Variants in SNX18 observed in about 807,000 individuals in gnomAD.
SNX18 encodes sorting nexin-18.
In SNX18, 35 loss-of-function variants were observed where a neutral mutation model predicts 48.7. That is an observed-to-expected ratio of 0.72 (90% confidence interval 0.55 to 0.95). The LOEUF (loss-of-function observed/expected upper bound fraction) is 0.95. SNX18 is among the 40% of genes least tolerant of loss of function. The pLI is 0.00. For missense variants in SNX18, 824 were observed against 871.0 expected (o/e 0.95, Z 0.68); for synonymous variants, 492 against 384.7 (o/e 1.28, Z -3.26).
intron 1 of SNX18, among the ~76,000 whole-genome samples, chr5:54,524,187 G>C (rs780579008): frequency 6.6e-6 from 1 of 152,156 alleles, no homozygotes; most frequent in African/African-American, 2.4e-5. Flanking sequence ...GGTGACCGTT[G>C]GTGCTTTCGA....
downstream of SNX18, among the ~76,000 whole-genome samples, chr5:54,548,814 T>C (rs1041852962): frequency 1.3e-5 from 2 of 152,198 alleles, no homozygotes; most frequent in Admixed American, 1.3e-4. Context: ...CAGTCATCCC[T>C]CAGTATCTGC....
chr5:54,548,954 A>G (rs1218292230), downstream of SNX18, among the ~76,000 whole-genome samples: 1 of 152,236 alleles, frequency 6.6e-6, no homozygotes, highest in Non-Finnish European at 1.5e-5. Context: ...TATACTTCAG[A>G]TCATCTCTTT....
At position 54,518,787 on chromosome 5, in the gene SNX18, A is replaced by G. The variant is rs1460512006; in HGVS notation, c.835A>G (p.Thr279Ala). 1 of 1,604,088 alleles carries G rather than the reference A, an allele frequency of 6.2e-7. No individual in the cohort carries two copies. The highest frequency in any genetic ancestry group is 1.1e-5 in the South Asian group (1 of 89,774). The change falls in exon 1 of 2, where the codon ACC (threonine) becomes GCC (alanine). Residue 279 changes from threonine (T) to alanine (A), a missense_variant. Thr to Ala is a moderately conservative substitution (Grantham distance 58). Transcript: ENST00000381410. ...WQENPYPFQC[T>A]IDDPTKQTKF... ...GGAGAACCCCTACCCGTTCCAGTGCACCATCGACGACCCCACCAAGCAGAC... is the reference window on the plus strand; with the variant it reads ...GGAGAACCCCTACCCGTTCCAGTGCGCCATCGACGACCCCACCAAGCAGAC...
At chr5:54,573,568 T>C in the SNX18 span, among the ~76,000 whole-genome samples, 18 of 152,232 alleles carry the variant, frequency 1.2e-4, no homozygotes, top group East Asian at 2.3e-3. Context: ...AATACCATGA[T>C]TTGAGAAATC....
At chr5:54,568,094 G>A in the SNX18 span, among the ~76,000 whole-genome samples, 6 of 152,152 alleles carry the variant, frequency 3.9e-5, no homozygotes, top group Non-Finnish European at 7.4e-5. Context: ...GTGTGTGTGT[G>A]CAAGTCACAA....
chr5:54,644,595 C>G, the SNX18 span: 1 of 142,470 alleles, frequency 7.0e-6, no homozygotes. Flanking sequence ...TAGGTGACTA[C>G]ATTTTGGCCA....
the SNX18 span, among the ~76,000 whole-genome samples, chr5:54,588,307 T>TC: frequency 2.4e-4 from 1 of 4,134 alleles, no homozygotes; most frequent in African/African-American, 1.3e-3. Context: ...ATTTCTATTC[T>TC]TTTTTTTTTT....
chr5:54,610,128 G>A, the SNX18 span, among the ~76,000 whole-genome samples: 58 of 152,196 alleles, frequency 3.8e-4, no homozygotes, highest in African/African-American at 1.4e-3. Context: ...GCAGAACCGT[G>A]AGCAAATGAA....
intron 1 of SNX18, among the ~76,000 whole-genome samples, chr5:54,539,764 C>T (rs1280336254): frequency 6.6e-6 from 1 of 152,080 alleles, no homozygotes. Context: ...TTAAAAATAG[C>T]AACATTTTGT....
chr5:54,548,205 A>C (rs1762604370), downstream of SNX18, among the ~76,000 whole-genome samples: 1 of 152,172 alleles, frequency 6.6e-6, no homozygotes, highest in South Asian at 2.1e-4. Context: ...TTTCAGCTTC[A>C]TTGAGTGACT....
the SNX18 span, among the ~76,000 whole-genome samples, chr5:54,556,661 G>A: frequency 1.2e-4 from 18 of 152,110 alleles, no homozygotes; most frequent in Admixed American, 8.5e-4. Context: ...GACATCTTTG[G>A]GTGGGGCTGG....
At chr5:54,605,554 T>A in the SNX18 span, among the ~76,000 whole-genome samples, 2 of 152,350 alleles carry the variant, frequency 1.3e-5, no homozygotes, top group South Asian at 4.1e-4. Flanking sequence ...CAATGTTTTT[T>A]AAAAAGTTTA....
the SNX18 span, among the ~76,000 whole-genome samples, chr5:54,552,886 G>A: frequency 1.3e-5 from 2 of 152,096 alleles, no homozygotes; most frequent in South Asian, 4.1e-4. Context: ...GGAGTGAGGA[G>A]AATTTGTTAT....
the SNX18 span, among the ~76,000 whole-genome samples, chr5:54,625,167 G>A: frequency 6.6e-6 from 1 of 152,164 alleles, no homozygotes; most frequent in Non-Finnish European, 1.5e-5. Context: ...GGGGAAGGGG[G>A]AAAGAGACAG....
the SNX18 span, among the ~76,000 whole-genome samples, chr5:54,553,558 G>A: frequency 2.0e-5 from 3 of 152,222 alleles, no homozygotes; most frequent in Non-Finnish European, 4.4e-5. Flanking sequence ...TCTCCTTAGA[G>A]TGACTCTTAT....
At chr5:54,585,749 A>G in the SNX18 span, among the ~76,000 whole-genome samples, 1 of 152,032 alleles carries the variant, frequency 6.6e-6, no homozygotes, top group Admixed American at 6.6e-5. Context: ...CACGCCTGTA[A>G]TCCCAGCACT....
Position 54,519,086 on chromosome 5 carries a change from C to T in SNX18, c.1134C>T (p.Phe378=), listed in dbSNP as rs1210772809. ...CGCAGTGCGACGTCTTCCAGCACTT[C>T]CTGACGTGCCCCAGCAGCACCGACG... ...VLAQCDVFQH[F]LTCPSSTDEK... Residue 378 remains phenylalanine, a synonymous_variant, in exon 1 of 2, where the codon TTC becomes TTT. Coordinates refer to ENST00000381410, the MANE Select transcript of SNX18 (RefSeq NM_001102575.2). 3 of 1,613,906 alleles carry T rather than the reference C, an allele frequency of 1.9e-6. No homozygotes were observed. The highest frequency in any genetic ancestry group is 2.5e-6 in the Non-Finnish European group (3 of 1,180,024).
the SNX18 span, among the ~76,000 whole-genome samples, chr5:54,567,157 T>A: frequency 3.4e-4 from 52 of 152,194 alleles, 1 homozygote; most frequent in South Asian, 0.01. Flanking sequence ...ACTTTGTCAT[T>A]AAGGTTAAAT....
the SNX18 span, among the ~76,000 whole-genome samples, chr5:54,590,818 C>T: frequency 2.7e-4 from 41 of 152,286 alleles, no homozygotes; most frequent in African/African-American, 9.4e-4. Context: ...ACTGGTCTCC[C>T]TTCCTCCCTA....
Sources: gnomAD v4.1 joint callset for allele counts (sites outside exome capture counted in the v4.1 genomes callset) on GRCh38, gnomAD v4.1.1 for gene constraint, MANE v1.5 for transcripts, NCBI Gene and HGNC (gene_info 2026-07-23, HGNC 2026-07-21) for gene names.